ALPK1: variants seen among roughly 807,000 people sequenced by gnomAD.
The protein encoded by ALPK1 is alpha kinase 1.
In ALPK1, 110 loss-of-function variants were observed where a neutral mutation model predicts 120.6. The observed-to-expected ratio is 0.91, with a 90% CI of 0.78 to 1.07. The LOEUF is 1.07. Ranked by LOEUF, ALPK1 falls within the 50% of genes least tolerant of loss-of-function variation. ALPK1 has a pLI of 0.00. For synonymous variants in ALPK1, 582 were observed against 560.3 expected (o/e 1.04, Z -0.55); for missense variants, 1,498 against 1,483.9 (o/e 1.01, Z -0.16).
intron 4 of ALPK1, among the ~76,000 whole-genome samples, chr4:112,397,013 A>G (rs1024111479): frequency 3.2e-4 from 48 of 152,222 alleles, no homozygotes; most frequent in African/African-American, 1.2e-3. Context: ...CTGAGCTCAG[A>G]CAATCCTCCT....
At chr4:112,416,958 G>T (rs538072801) in intron 5 of ALPK1, among the ~76,000 whole-genome samples, 50 of 150,286 alleles carry the variant, frequency 3.3e-4, no homozygotes, top group African/African-American at 1.1e-3. Context: ...CAATAAGAAA[G>T]TCTTAAAGAA....
chr4:112,433,554 A>C (rs569590639), intron 11 of ALPK1, among the ~76,000 whole-genome samples: 2 of 152,318 alleles, frequency 1.3e-5, no homozygotes, highest in Non-Finnish European at 2.9e-5. Flanking sequence ...GGAACAGCCC[A>C]ATGTCACTGC....
chr4:112,298,083 A>G (rs1405587950), intron 1 of ALPK1, among the ~76,000 whole-genome samples: 1 of 152,208 alleles, frequency 6.6e-6, no homozygotes, highest in East Asian at 1.9e-4. Flanking sequence ...TCCTTTAATT[A>G]AAAAATTCTA....
intron 2 of ALPK1, among the ~76,000 whole-genome samples, chr4:112,348,103 G>A (rs1289453707): frequency 2.0e-5 from 3 of 152,160 alleles, no homozygotes; most frequent in Admixed American, 6.5e-5. Context: ...GGTGATTGGC[G>A]TTCTGAGCAC....
intron 5 of ALPK1, chr4:112,415,209 A>C (rs1733684940): frequency 6.6e-6 from 1 of 152,232 alleles, no homozygotes; most frequent in Admixed American, 6.5e-5. Context: ...TTAAGAAAAA[A>C]AAATTGTTCA....
chr4:112,329,940 G>T (rs1729289346), intron 2 of ALPK1, among the ~76,000 whole-genome samples: 2 of 152,198 alleles, frequency 1.3e-5, no homozygotes, highest in African/African-American at 4.8e-5. Flanking sequence ...TTCACTAAAG[G>T]CGCAGTTTAT....
chr4:112,368,278 AT>A (rs1731246439), intron 2 of ALPK1, among the ~76,000 whole-genome samples: 1 of 152,164 alleles, frequency 6.6e-6, no homozygotes, highest in East Asian at 1.9e-4. Flanking sequence ...TAATTTTTAT[AT>A]TTTTATTTCT....
intron 2 of ALPK1, among the ~76,000 whole-genome samples, chr4:112,353,369 T>C (rs1189494927): frequency 6.6e-6 from 1 of 152,166 alleles, no homozygotes; most frequent in Admixed American, 6.5e-5. Flanking sequence ...CTATAAAGAT[T>C]CTTATACATA....
intron 1 of ALPK1, among the ~76,000 whole-genome samples, chr4:112,307,211 G>A (rs981576807): frequency 6.6e-5 from 10 of 152,080 alleles, no homozygotes; most frequent in Non-Finnish European, 1.2e-4. Context: ...GTGGTGCTGA[G>A]AAGAATGTAT....
At chr4:112,298,953 T>C (rs1212289390) in intron 1 of ALPK1, among the ~76,000 whole-genome samples, 2 of 152,212 alleles carry the variant, frequency 1.3e-5, no homozygotes, top group African/African-American at 4.8e-5. Context: ...CAGAGAATGA[T>C]GGCTTTTTGG....
At chr4:112,312,359 C>T (rs958398485) in intron 1 of ALPK1, among the ~76,000 whole-genome samples, 2 of 152,034 alleles carry the variant, frequency 1.3e-5, no homozygotes, top group Non-Finnish European at 2.9e-5. Context: ...CTGCAAGCTC[C>T]GCCTCCCGGG....
intron 1 of ALPK1, among the ~76,000 whole-genome samples, chr4:112,310,249 C>T (rs1396151942): frequency 6.6e-6 from 1 of 152,040 alleles, no homozygotes; most frequent in Non-Finnish European, 1.5e-5. Flanking sequence ...ATCAACATAA[C>T]ACTTGGAGAA....
chr4:112,430,944 T>C lies in ALPK1; in HGVS notation c.1397T>C (p.Val466Ala). The change falls in exon 11 of 16, where the codon GTG (valine) becomes GCG (alanine). Residue 466 changes from valine to alanine, a missense_variant. Coordinates refer to ENST00000650871, the MANE Select transcript of ALPK1 (RefSeq NM_025144.4). The stretch of plus-strand genomic sequence containing the variant: ...ACCTATTCACAGCACCATACTTCGG[T>C]GTGTGAAGTATTTGAAAGTGATTGT... ...LDTYSQHHTS[V>A]CEVFESDCGN... 1.9e-6 allele frequency: 3 copies of C among 1,613,998 alleles called. No homozygotes were observed. The highest frequency in any genetic ancestry group is 8.5e-7 in the Non-Finnish European group (1 of 1,179,910).
chr4:112,357,474 G>T, intron 2 of ALPK1: 1 of 723,426 alleles, frequency 1.4e-6, no homozygotes. Context: ...GAGGGAAGGT[G>T]CTGAGCTACT....
At chr4:112,328,332 A>G (rs1480765403) in intron 2 of ALPK1, among the ~76,000 whole-genome samples, 1 of 152,274 alleles carries the variant, frequency 6.6e-6, no homozygotes, top group East Asian at 1.9e-4. Context: ...ATACAAGAGC[A>G]AGAAGTATCA....
At chr4:112,301,456 A>C (rs547540710) in intron 1 of ALPK1, among the ~76,000 whole-genome samples, 195 of 152,220 alleles carry the variant, frequency 1.3e-3, no homozygotes, top group African/African-American at 4.5e-3. Flanking sequence ...TACTGTGTTA[A>C]TTCCATGCTA....
chr4:112,366,663 G>A (rs1190523180), intron 2 of ALPK1, among the ~76,000 whole-genome samples: 1 of 134,720 alleles, frequency 7.4e-6, no homozygotes, highest in African/African-American at 2.8e-5. Context: ...ACTAAAAGTA[G>A]AACTACCATT....
intron 3 of ALPK1, among the ~76,000 whole-genome samples, chr4:112,379,880 C>T (rs1285217611): frequency 2.0e-5 from 3 of 152,084 alleles, no homozygotes; most frequent in Admixed American, 6.5e-5. Context: ...GACATTCTGA[C>T]GTGAGGTGTG....
chr4:112,429,958 G>A (rs1734462267), intron 10 of ALPK1, among the ~76,000 whole-genome samples: 1 of 151,932 alleles, frequency 6.6e-6, no homozygotes, highest in African/African-American at 2.4e-5. Flanking sequence ...TCTGAGGTTG[G>A]TATCCAAAAA....
Sources: allele counts gnomAD v4.1 joint callset (sites outside exome capture counted in the v4.1 genomes callset), GRCh38; gene constraint gnomAD v4.1.1; transcripts MANE v1.5; gene names NCBI Gene and HGNC (gene_info 2026-07-23, HGNC 2026-07-21).